HS6ST3: variants seen among roughly 807,000 people sequenced by gnomAD.
HS6ST3 encodes the protein heparan-sulfate 6-O-sulfotransferase 3.
Under a neutral mutation model 36.7 loss-of-function variants are expected in HS6ST3, and 12 were observed. That is an observed-to-expected ratio of 0.33 (90% CI 0.21 to 0.53). HS6ST3 has a LOEUF of 0.53. Ranked by LOEUF, HS6ST3 falls within the 20% of genes least tolerant of loss-of-function variation. The probability of loss-of-function intolerance (pLI) is 0.95; values close to 1 mark genes in which losing one functional copy is unlikely to be tolerated. For missense variants in HS6ST3, 584 were observed against 640.9 expected, an observed-to-expected ratio of 0.91 and a Z score of 0.96; for synonymous variants, 240 against 257.5, an observed-to-expected ratio of 0.93 and a Z score of 0.65.
At chr13:96,184,200 CAAAAA>C (rs796944357) in intron 1 of HS6ST3, among the ~76,000 whole-genome samples, 1 of 71,274 alleles carries the variant, frequency 1.4e-5, no homozygotes, top group Non-Finnish European at 2.4e-5. Context: ...ACTCTGTCTC[CAAAAA>C]AAAAAAAAAA....
chr13:96,808,379 T>G (rs1878244292), intron 1 of HS6ST3, among the ~76,000 whole-genome samples: 1 of 152,124 alleles, frequency 6.6e-6, no homozygotes. Context: ...TAATGGCCAG[T>G]GTGAGTCTCT....
Position 96,090,518 on chromosome 13 carries a change from C to A in HS6ST3, c.-345C>A, listed in dbSNP as rs1203444685. Among the ~76,000 whole-genome samples the A allele has an allele frequency of 6.8e-6, 1 of 146,534 alleles. No individual in the cohort carries two copies. Among genetic ancestry groups the A allele is most frequent in the South Asian group, 2.1e-4 (1 of 4,822 alleles). On this transcript the variant is annotated 5_prime_UTR_variant, in exon 1 of 2. Transcript: ENST00000376705. ...AACCCCGCTCCCCAGCGCCTGAGCG[C>A]CTGCAAGCCGCCGGCGGGATGCCGC...
intron 1 of HS6ST3, among the ~76,000 whole-genome samples, chr13:96,237,988 C>T (rs991920596): frequency 6.6e-6 from 1 of 152,154 alleles, no homozygotes; most frequent in African/African-American, 2.4e-5. Flanking sequence ...TTATTCTCTA[C>T]CTGTGAATCT....
intron 1 of HS6ST3, among the ~76,000 whole-genome samples, chr13:96,628,686 A>C (rs2056521369): frequency 6.6e-6 from 1 of 152,118 alleles, no homozygotes; most frequent in Non-Finnish European, 1.5e-5. Flanking sequence ...TTCTAAAATC[A>C]CTATGTCTAA....
intron 1 of HS6ST3, among the ~76,000 whole-genome samples, chr13:96,295,418 C>T (rs1158000370): frequency 2.0e-5 from 3 of 152,034 alleles, no homozygotes; most frequent in Non-Finnish European, 4.4e-5. Context: ...GCCATGTTAA[C>T]ATAACAACAG....
At chr13:96,565,281 T>G (rs188264030) in intron 1 of HS6ST3, among the ~76,000 whole-genome samples, 27 of 152,158 alleles carry the variant, frequency 1.8e-4, no homozygotes, top group Non-Finnish European at 5.9e-5. Flanking sequence ...AGTGCATATT[T>G]AAACTTATAT....
At chr13:96,428,051 T>C (rs986790296) in intron 1 of HS6ST3, among the ~76,000 whole-genome samples, 1 of 152,154 alleles carries the variant, frequency 6.6e-6, no homozygotes, top group Non-Finnish European at 1.5e-5. Context: ...TAGTTAGGGA[T>C]ATGAGACACA....
intron 1 of HS6ST3, among the ~76,000 whole-genome samples, chr13:96,810,930 T>G (rs1407222481): frequency 1.3e-5 from 2 of 152,170 alleles, no homozygotes; most frequent in Non-Finnish European, 2.9e-5. Flanking sequence ...TAGTCTTAAT[T>G]ATAGGCCTCT....
intron 1 of HS6ST3, among the ~76,000 whole-genome samples, chr13:96,656,297 A>G (rs1477565527): frequency 6.6e-6 from 1 of 152,196 alleles, no homozygotes; most frequent in Non-Finnish European, 1.5e-5. Context: ...AATGCTGTCC[A>G]TCCATGATTT....
chr13:96,486,272 C>G (rs2055914164), intron 1 of HS6ST3, among the ~76,000 whole-genome samples: 1 of 152,030 alleles, frequency 6.6e-6, no homozygotes, highest in South Asian at 2.1e-4. Flanking sequence ...CATTGTTGGA[C>G]ATTTGGGTTG....
chr13:96,536,669 C>T (rs2056156551), intron 1 of HS6ST3, among the ~76,000 whole-genome samples: 1 of 152,152 alleles, frequency 6.6e-6, no homozygotes, highest in Non-Finnish European at 1.5e-5. Flanking sequence ...AAAACTGTGT[C>T]CTCAAGGGAC....
At chr13:96,366,036 T>C (rs1042640376) in intron 1 of HS6ST3, among the ~76,000 whole-genome samples, 9 of 152,218 alleles carry the variant, frequency 5.9e-5, no homozygotes, top group African/African-American at 2.2e-4. Context: ...AAAATGATCA[T>C]ATCTACTGCT....
intron 1 of HS6ST3, among the ~76,000 whole-genome samples, chr13:96,813,387 C>G (rs904132622): frequency 6.6e-6 from 1 of 152,162 alleles, no homozygotes; most frequent in Non-Finnish European, 1.5e-5. Context: ...TCTGCGTACC[C>G]CACCACTAAC....
chr13:96,824,928 C>T (rs1168800151), intron 1 of HS6ST3, among the ~76,000 whole-genome samples: 1 of 152,124 alleles, frequency 6.6e-6, no homozygotes, highest in African/African-American at 2.4e-5. Context: ...GTGAGTCAGG[C>T]AAGGTTCCCC....
chr13:96,729,324 CAA>C (rs889659525), intron 1 of HS6ST3, among the ~76,000 whole-genome samples: 7 of 152,134 alleles, frequency 4.6e-5, no homozygotes, highest in African/African-American at 1.2e-4. Context: ...GATGTGAATG[CAA>C]AGAGTCTACC....
At chr13:96,180,157 C>T (rs1294292275) in intron 1 of HS6ST3, among the ~76,000 whole-genome samples, 4 of 152,068 alleles carry the variant, frequency 2.6e-5, no homozygotes, top group African/African-American at 9.7e-5. Context: ...TTTTAGGATG[C>T]AATTGTGTGA....
intron 1 of HS6ST3, among the ~76,000 whole-genome samples, chr13:96,330,463 A>C (rs1316331466): frequency 1.3e-4 from 19 of 148,498 alleles, no homozygotes; most frequent in Non-Finnish European, 2.1e-4. Context: ...GCTGGATATG[A>C]AATTCTGGGT....
At chr13:96,604,921 A>G (rs926068542) in intron 1 of HS6ST3, among the ~76,000 whole-genome samples, 4 of 152,172 alleles carry the variant, frequency 2.6e-5, no homozygotes, top group African/African-American at 4.8e-5. Flanking sequence ...TGCCATTTCC[A>G]TAAGTAGATT....
At chr13:96,535,052 C>A (rs560908942) in intron 1 of HS6ST3, among the ~76,000 whole-genome samples, 232 of 152,264 alleles carry the variant, frequency 1.5e-3, no homozygotes, top group African/African-American at 5.2e-3. Context: ...ATTGAGAAAC[C>A]TGACTTAGTG....
Sources: allele counts gnomAD v4.1 joint callset (sites outside exome capture counted in the v4.1 genomes callset), GRCh38; gene constraint gnomAD v4.1.1; transcripts MANE v1.5; gene names NCBI Gene and HGNC (gene_info 2026-07-23, HGNC 2026-07-21).